The following FAT2 variants were observed in gnomAD, a reference collection of about 807,000 sequenced individuals.
FAT2 encodes the protein protocadherin Fat 2.
A neutral mutation model predicts 295.3 loss-of-function variants in FAT2; 150 were observed. The ratio of observed to expected loss-of-function variants is 0.51; its 90% CI spans 0.44 to 0.58. The LOEUF (loss-of-function observed/expected upper bound fraction) is 0.58. Ranked by LOEUF, FAT2 falls within the 20% of genes least tolerant of loss-of-function variation. The pLI, the probability that FAT2 is intolerant of heterozygous loss-of-function variation, is 0.00. For missense variants in FAT2, 4,868 were observed against 5,442.7 expected (o/e 0.89, Z 3.32); for synonymous variants, 2,026 against 2,150.3 (o/e 0.94, Z 1.60).
intron 1 of FAT2, among the ~76,000 whole-genome samples, chr5:151,581,743 C>T (rs1030224324): frequency 6.6e-5 from 10 of 152,226 alleles, no homozygotes; most frequent in African/African-American, 2.4e-4. Flanking sequence ...AAACTCAGAT[C>T]ACCTGTGTGT....
At chr5:151,554,713 T>C (rs759605893) in intron 4 of FAT2, 40 bp from the exon 5 acceptor site, 1 of 1,479,474 alleles carries the variant, frequency 6.8e-7, no homozygotes, top group East Asian at 2.3e-5. Context: ...AGCTGACAAT[T>C]GCAAATTAGT....
At chr5:151,529,089 C>T in intron 15 of FAT2, 89 bp downstream of exon 15, 2 of 1,109,688 alleles carry the variant, frequency 1.8e-6, no homozygotes, top group Admixed American at 1.8e-5. Context: ...ATAAACTAAT[C>T]CATGCTCATA....
chr5:151,540,465 C>T (rs1756013897), intron 11 of FAT2, 102 bp downstream of exon 11: 2 of 874,920 alleles, frequency 2.3e-6, no homozygotes, highest in South Asian at 1.9e-5. Flanking sequence ...GTTCTCCTGC[C>T]CCTCAATCTC....
Position 151,505,407 on chromosome 5 carries a change from TG to T in FAT2, c.*157del. Reference sequence around the variant, plus strand: ...CTTCCCTCCACCCTCAGGGACTAGGTGGGGGATTGGAAGAGCACATTTCAAG... The same window carrying T: ...CTTCCCTCCACCCTCAGGGACTAGGTGGGGATTGGAAGAGCACATTTCAAG... On this transcript the variant is annotated 3_prime_UTR_variant, in exon 24 of 24. Coordinates refer to ENST00000261800, the MANE Select transcript of FAT2 (RefSeq NM_001447.3). 1.2e-6 allele frequency: 1 copy of T among 832,510 alleles called. No homozygotes were observed. Among genetic ancestry groups the T allele is most frequent in the Non-Finnish European group, 1.9e-6 (1 of 533,946 alleles). The allele number at this position is 832,510 out of a possible 1,614,324, so 51.6% of individuals were successfully genotyped here. A position where few individuals can be genotyped will look rare whatever the true frequency, so the allele number is the denominator to read the frequency against.
At chr5:151,534,952 T>C (rs1205345353) in intron 12 of FAT2, among the ~76,000 whole-genome samples, 1 of 138,930 alleles carries the variant, frequency 7.2e-6, no homozygotes, top group East Asian at 2.2e-4. Context: ...CTTTGGTTCG[T>C]AATTCCACTT....
intron 4 of FAT2, 185 bp downstream of exon 4, chr5:151,556,159 C>CT: frequency 1.6e-6 from 1 of 612,362 alleles, no homozygotes; most frequent in Non-Finnish European, 2.9e-6. Context: ...CAGTTTCAGA[C>CT]TCCTTCCCTT....
In FAT2 at chr5:151,542,372, T is replaced by C. The variant is rs763074086; in HGVS notation, c.8755A>G (p.Ser2919Gly). Residue 2919 changes from serine to glycine, a missense_variant, in exon 10 of 24, where the codon AGT becomes GGT. Transcript: ENST00000261800. Reference sequence around the variant, plus strand: ...GTCGCCACCAGTTCGCCAGGCTCACTGTTCTCAACCACAGATCCTCTGTAC... The same window carrying C: ...GTCGCCACCAGTTCGCCAGGCTCACCGTTCTCAACCACAGATCCTCTGTAC... ...EEYRGSVVEN[S>G]EPGELVATLK... 6.2e-7 allele frequency: 1 copy of C among 1,614,198 alleles called. No individual in the cohort carries two copies. The highest frequency in any genetic ancestry group is 2.2e-5 in the East Asian group (1 of 44,888).
intron 20 of FAT2, among the ~76,000 whole-genome samples, chr5:151,516,377 G>A (rs796432409): frequency 4.5e-4 from 68 of 152,168 alleles, no homozygotes; most frequent in African/African-American, 1.6e-3. Context: ...ATTAGTGAGC[G>A]TGGTTGCACA....
At chr5:151,549,156 G>C (rs890047727) in intron 9 of FAT2, 139 bp downstream of exon 9, 11 of 728,658 alleles carry the variant, frequency 1.5e-5, no homozygotes, top group Middle Eastern at 4.0e-4. Context: ...GGTAGTCCCA[G>C]GGAATGCTCT....
Position 151,543,070 on chromosome 5 carries a change from A to G in FAT2, c.8057T>C (p.Val2686Ala). The change falls in exon 10 of 24, where the codon GTA becomes GCA. Residue 2686 changes from valine to alanine, a missense_variant. Val to Ala is a moderately conservative substitution (Grantham distance 64). Around this residue, in one of 5 missense-constraint regions of FAT2, gnomAD observed 3,297 missense variants for 3,669.4 expected, o/e 0.90. Coordinates refer to ENST00000261800, the MANE Select transcript of FAT2 (RefSeq NM_001447.3). Reference sequence around the variant, plus strand: ...AGGTTCAGAAAATTTCGGTAAGGATACTTTTTTAGGAACCACCTGAAGTCG... The same window carrying G: ...AGGTTCAGAAAATTTCGGTAAGGATGCTTTTTTAGGAACCACCTGAAGTCG... The part of the protein sequence containing the change: ...PVRLQVVPKK[V>A]SLPKFSEPLY... 6.2e-7 allele frequency: 1 copy of G among 1,614,184 alleles called. No homozygotes were observed. The highest frequency in any genetic ancestry group is 8.5e-7 in the Non-Finnish European group (1 of 1,180,030).
rs61743254 is a variant in FAT2 at position 151,553,318 on chromosome 5, A to G, written c.4015T>C (p.Trp1339Arg). 2,602 of 1,614,260 alleles carry G rather than the reference A, an allele frequency of 1.6e-3. 30 individuals are homozygous for G. In the African/African-American group the frequency reaches 0.03, roughly 19 times the overall value. ...AGAGGGATGGAGGACGGCCGGGGCC[A>G]AGGGATCCACTCAATGTGTAGCCGG... ...SVRLHIEWIP[W>R]PRPSSIPLAF... Residue 1339 changes from tryptophan (W) to arginine (R), a missense_variant, in exon 6 of 24, where the codon TGG becomes CGG. By Grantham distance (101) the Trp-to-Arg change is moderately radical. Around this residue, in one of 5 missense-constraint regions of FAT2, gnomAD observed 3,297 missense variants for 3,669.4 expected, o/e 0.90. Transcript: ENST00000261800.
At chr5:151,536,058 A>G (rs997031961) in intron 12 of FAT2, among the ~76,000 whole-genome samples, 2 of 152,212 alleles carry the variant, frequency 1.3e-5, no homozygotes, top group East Asian at 1.9e-4. Flanking sequence ...AAGTAATTAT[A>G]TAGAGATTTT....
intron 13 of FAT2, among the ~76,000 whole-genome samples, chr5:151,533,365 G>A (rs1277836571): frequency 6.7e-6 from 1 of 149,078 alleles, no homozygotes. Flanking sequence ...TCTCAAGCAA[G>A]TCTATTCCAC....
At chr5:151,528,239 G>C in intron 15 of FAT2, 106 bp from the exon 16 acceptor site, 1 of 1,377,688 alleles carries the variant, frequency 7.3e-7, no homozygotes, top group Non-Finnish European at 1.0e-6. Context: ...CTTTGGGCTA[G>C]CAGTGCCTGG....
chr5:151,523,337 A>G (rs1242024392), intron 18 of FAT2, among the ~76,000 whole-genome samples: 1 of 152,186 alleles, frequency 6.6e-6, no homozygotes, highest in Non-Finnish European at 1.5e-5. Context: ...TCATAGATAA[A>G]CTATGATAAT....
Position 151,534,529 on chromosome 5 carries a change from C to T in FAT2, c.9307G>A (p.Val3103Met), listed in dbSNP as rs1755020288. The T allele has an allele frequency of 1.2e-6, 2 of 1,613,936 alleles. No individual in the cohort carries two copies. Among genetic ancestry groups the T allele is most frequent in the African/African-American group, 1.3e-5 (1 of 74,932 alleles). ...RSCQADITLH[V>M]EDVNDNAPRF... The stretch of plus-strand genomic sequence containing the variant: ...GGGGCATTGTCATTCACATCCTCCA[C>T]ATGGAGGGTGATGTCTGCCTGGCAC... The change falls in exon 13 of 24, where the codon GTG becomes ATG. Residue 3103 changes from valine to methionine, a missense_variant. Physicochemically the swap from Val to Met is conservative, Grantham distance 21. Around this residue, in one of 5 missense-constraint regions of FAT2, gnomAD observed 1,046 missense variants for 1,210.1 expected, o/e 0.86. Coordinates refer to ENST00000261800, the MANE Select transcript of FAT2 (RefSeq NM_001447.3).
chr5:151,534,737 A>C, intron 12 of FAT2, 95 bp from the exon 13 acceptor site: 3 of 1,088,084 alleles, frequency 2.8e-6, no homozygotes, highest in African/African-American at 1.6e-5. Flanking sequence ...ACCCAGCCAC[A>C]CAGAGTTTTG....
In FAT2 at chr5:151,543,376, T is replaced by C. The variant is rs751355980; in HGVS notation, c.7751A>G (p.Gln2584Arg). The C allele has an allele frequency of 1.2e-6, 2 of 1,614,062 alleles. No individual in the cohort carries two copies. The highest frequency in any genetic ancestry group is 1.7e-6 in the Non-Finnish European group (2 of 1,180,032). The change falls in exon 10 of 24, where the codon CAG (glutamine) becomes CGG (arginine). Residue 2584 changes from glutamine to arginine, a missense_variant. Around this residue, in one of 5 missense-constraint regions of FAT2, gnomAD observed 3,297 missense variants for 3,669.4 expected, o/e 0.90. Transcript: ENST00000261800. Reference protein sequence around the residue: ...ILTDENDNPPQFKASEYTVSI... With the variant: ...ILTDENDNPPRFKASEYTVSI... ...TACTGTGTACTCAGATGCTTTGAAC[T>C]GTGGGGGGTTGTCATTTTCATCTGT...
At chr5:151,522,244 T>G in intron 18 of FAT2, 158 bp from the exon 19 acceptor site, 1 of 578,326 alleles carries the variant, frequency 1.7e-6, no homozygotes, top group Non-Finnish European at 3.0e-6. Flanking sequence ...AAAACCTAAC[T>G]CCAAAAGCAC....
Sources: allele counts gnomAD v4.1 joint callset (sites outside exome capture counted in the v4.1 genomes callset), GRCh38; gene constraint gnomAD v4.1.1; regional missense constraint gnomAD v4.1.1; transcripts MANE v1.5; gene names NCBI Gene and HGNC (gene_info 2026-07-23, HGNC 2026-07-21).